The following SYNGR1 variants were observed in gnomAD, a reference collection of about 807,000 sequenced individuals.
SYNGR1 encodes synaptogyrin 1, also known as synaptogyrin-1.
In SYNGR1, 14 loss-of-function variants were observed where a neutral mutation model predicts 26.1. That is an observed-to-expected ratio of 0.54 (90% CI 0.35 to 0.84). The LOEUF is 0.84. Among genes scored for constraint, SYNGR1 ranks in the 40% least tolerant of loss-of-function variants. The probability of loss-of-function intolerance (pLI) is 0.01; values close to 1 mark genes in which losing one functional copy is unlikely to be tolerated. For missense variants in SYNGR1, 319 were observed against 332.9 expected (o/e 0.96, Z 0.33); for synonymous variants, 141 against 150.1 (o/e 0.94, Z 0.44).
chr22:39,377,484 A>G, intron 3 of SYNGR1: 1 of 1,538,694 alleles, frequency 6.5e-7, no homozygotes, highest in Non-Finnish European at 8.7e-7. Context: ...ATTTCTAGCC[A>G]TGGGTCTGAA....
At chr22:39,368,551 G>C (rs954353811) in intron 1 of SYNGR1, among the ~76,000 whole-genome samples, 1 of 152,192 alleles carries the variant, frequency 6.6e-6, no homozygotes, top group African/African-American at 2.4e-5. Context: ...AAGCTATTCT[G>C]TTCTTGCTCT....
intron 3 of SYNGR1, chr22:39,377,570 T>A (rs1324847443): frequency 1.2e-6 from 2 of 1,610,738 alleles, no homozygotes; most frequent in Non-Finnish European, 8.5e-7. Flanking sequence ...TCTTCCCCAC[T>A]GGCCTCACCC....
rs954980074 is a variant in SYNGR1 at position 39,353,552 on chromosome 22, A to G, written c.99+3443A>G. Among the ~76,000 whole-genome samples the G allele has an allele frequency of 5.3e-5, 8 of 151,668 alleles. No homozygotes were observed. In the South Asian group the frequency reaches 1.7e-3, roughly 32 times the overall value. The stretch of plus-strand genomic sequence containing the variant: ...TCGCCCCAGTGGCAGATCAGCTGCC[A>G]CTCCTGGCACCCCCAGGCCACAGCT... On this transcript the variant is annotated intron_variant, in intron 1 of 3. Coordinates refer to ENST00000328933, the MANE Select transcript of SYNGR1 (RefSeq NM_004711.5).
At position 39,350,502 on chromosome 22, in the gene SYNGR1, G is replaced by A. The variant is rs1027564009; in HGVS notation, c.99+393G>A. ...GCCAGGGTTTAAGGTGGCCTTTTTT[G>A]GGGGGTGGATCAGGGCGTGGACCAT... On this transcript the variant is annotated intron_variant, in intron 1 of 3. Transcript: ENST00000328933. This position sits in a 1 kb window ranked among gnomAD's most constrained non-coding sequence, Gnocchi z 4.3. Among the ~76,000 whole-genome samples, 15 of 152,292 alleles carry A rather than the reference G, an allele frequency of 9.8e-5. No individual in the cohort carries two copies. Among genetic ancestry groups the A allele is most frequent in the Admixed American group, 9.2e-4 (14 of 15,300 alleles).
At position 39,385,294 on chromosome 22, in the gene SYNGR1, C is replaced by T; in HGVS notation, c.*3380C>T. 1 of 304,366 alleles carries T rather than the reference C, an allele frequency of 3.3e-6. No homozygotes were observed. The highest frequency in any genetic ancestry group is 6.0e-6 in the Non-Finnish European group (1 of 167,206). 18.9% of individuals were successfully genotyped at this position (304,366 alleles called of 1,614,324 possible). A position where few individuals can be genotyped will look rare whatever the true frequency, so the allele number is the denominator to read the frequency against. On this transcript the variant is annotated 3_prime_UTR_variant, in exon 4 of 4. Coordinates refer to ENST00000328933, the MANE Select transcript of SYNGR1 (RefSeq NM_004711.5). ...GTCGGTGCCCCGGCCCCTCCCGCAG[C>T]GTTACTGCCTGTGTATAGTATAAAT...
rs1364054846 is a variant in SYNGR1, at chr22:39,382,125, G to A, written c.*211G>A. 1 of 615,278 alleles carries A rather than the reference G, an allele frequency of 1.6e-6. No individual in the cohort carries two copies. Among genetic ancestry groups the A allele is most frequent in the African/African-American group, 1.8e-5 (1 of 54,204 alleles). 38.1% of individuals were successfully genotyped at this position (615,278 alleles called of 1,614,324 possible). On this transcript the variant is annotated 3_prime_UTR_variant, in exon 4 of 4. Transcript: ENST00000328933. ...TATATCCCAGGGCATGTGCCCCGCA[G>A]GGGCCTAGAGGGTGGGGGCCAGGGG...
At chr22:39,381,584 C>T in intron 3 of SYNGR1, 112 bp from the exon 4 acceptor site, 1 of 1,091,846 alleles carries the variant, frequency 9.2e-7, no homozygotes, top group South Asian at 1.3e-5. Flanking sequence ...ATCTTTAACC[C>T]TCTCCTGCCT....
In SYNGR1 at chr22:39,350,535, G is replaced by A. The variant is rs965879600; in HGVS notation, c.99+426G>A. Among the ~76,000 whole-genome samples the A allele has an allele frequency of 1.3e-5, 2 of 152,114 alleles. No individual in the cohort carries two copies. The highest frequency in any genetic ancestry group is 4.8e-5 in the African/African-American group (2 of 41,432). On this transcript the variant is annotated intron_variant, in intron 1 of 3. Coordinates refer to ENST00000328933, the MANE Select transcript of SYNGR1 (RefSeq NM_004711.5). This position sits in a 1 kb window ranked among gnomAD's most constrained non-coding sequence, Gnocchi z 4.3. Reference sequence around the variant, plus strand: ...GATCAGGGCGTGGACCATCTCGGTGGGGTGCATGCCGCGCCTGCGATGGAC... The same window carrying A: ...GATCAGGGCGTGGACCATCTCGGTGAGGTGCATGCCGCGCCTGCGATGGAC...
At chr22:39,358,575 C>T (rs1276804281) in intron 1 of SYNGR1, among the ~76,000 whole-genome samples, 2 of 151,696 alleles carry the variant, frequency 1.3e-5, no homozygotes, top group African/African-American at 4.8e-5. Flanking sequence ...AGACGCGCGG[C>T]ATTAAGAGCT....
intron 1 of SYNGR1, among the ~76,000 whole-genome samples, chr22:39,371,256 C>T (rs1272224963): frequency 1.3e-5 from 2 of 150,430 alleles, no homozygotes; most frequent in East Asian, 4.0e-4. Flanking sequence ...GTGGGCAGAT[C>T]ACCTGAGGTC....
At chr22:39,367,691 C>T (rs528419270) in intron 1 of SYNGR1, among the ~76,000 whole-genome samples, 1 of 152,206 alleles carries the variant, frequency 6.6e-6, no homozygotes, top group South Asian at 2.1e-4. Flanking sequence ...GGTTTGGTGG[C>T]ACACGCCTGT....
Position 39,359,863 on chromosome 22 carries a change from TCCTC to T in SYNGR1, c.99+9756_99+9759del, listed in dbSNP as rs1470729103. Among the ~76,000 whole-genome samples the T allele has an allele frequency of 5.3e-5, 8 of 152,090 alleles. No homozygotes were observed. In the East Asian group the frequency reaches 1.4e-3, roughly 26 times the overall value. Reference sequence around the variant, plus strand: ...CCCAGTAGCCTCTCGCACTCCCTGATCCTCCATCCAGGCGTCTCCTCCAACCCTC... The same window carrying T: ...CCCAGTAGCCTCTCGCACTCCCTGATCATCCAGGCGTCTCCTCCAACCCTC... On this transcript the variant is annotated intron_variant, in intron 1 of 3. Transcript: ENST00000328933.
At chr22:39,362,706 C>G (rs1257112976) in intron 1 of SYNGR1, among the ~76,000 whole-genome samples, 1 of 152,132 alleles carries the variant, frequency 6.6e-6, no homozygotes, top group Non-Finnish European at 1.5e-5. Context: ...CTGGGTTCAG[C>G]TTGTGGGGAG....
chr22:39,356,067 TTTTG>T (rs533534454), intron 1 of SYNGR1, among the ~76,000 whole-genome samples: 3 of 152,154 alleles, frequency 2.0e-5, no homozygotes, highest in East Asian at 1.9e-4. Context: ...TGCAAGTTAT[TTTTG>T]TTTGTTTGTT....
At chr22:39,361,637 G>A (rs1382021795) in intron 1 of SYNGR1, among the ~76,000 whole-genome samples, 1 of 151,742 alleles carries the variant, frequency 6.6e-6, no homozygotes, top group Non-Finnish European at 1.5e-5. Context: ...CGGGATTACA[G>A]CCATGAGCCA....
chr22:39,351,548 G>A (rs970429870), intron 1 of SYNGR1, among the ~76,000 whole-genome samples: 1 of 152,228 alleles, frequency 6.6e-6, no homozygotes, highest in African/African-American at 2.4e-5. Flanking sequence ...CTTGCCAAAG[G>A]TGGGAGCCCT....
intron 2 of SYNGR1, 53 bp downstream of exon 2, chr22:39,374,606 C>A: frequency 6.3e-7 from 1 of 1,586,432 alleles, no homozygotes; most frequent in South Asian, 1.1e-5. Context: ...AGGGCTGTCC[C>A]GGCCATAGGA....
chr22:39,362,040 G>A (rs1372623420), intron 1 of SYNGR1, among the ~76,000 whole-genome samples: 1 of 149,174 alleles, frequency 6.7e-6, no homozygotes, highest in Non-Finnish European at 1.5e-5. Context: ...TAGAGACGAG[G>A]CCTCACTATG....
chr22:39,362,761 A>G (rs888777898), intron 1 of SYNGR1, among the ~76,000 whole-genome samples: 2 of 151,984 alleles, frequency 1.3e-5, no homozygotes, highest in Non-Finnish European at 2.9e-5. Flanking sequence ...CCCTGTGCAC[A>G]GGGGTGTGCA....
Sources: gnomAD v4.1 joint callset for allele counts (sites outside exome capture counted in the v4.1 genomes callset) on GRCh38, gnomAD v4.1.1 for gene constraint, Gnocchi (gnomAD v3.1) non-coding constraint, MANE v1.5 for transcripts, NCBI Gene and HGNC (gene_info 2026-07-23, HGNC 2026-07-21) for gene names.